Variants in EXT1 observed in about 807,000 individuals in gnomAD.
The protein encoded by EXT1 is exostosin glycosyltransferase 1.
Under a neutral mutation model 82.5 loss-of-function variants are expected in EXT1, and 20 were observed. The ratio of observed to expected loss-of-function variants is 0.24; its 90% CI spans 0.17 to 0.35. EXT1 has a LOEUF of 0.35. Among genes scored for constraint, EXT1 ranks in the 10% least tolerant of loss-of-function variants. The probability of loss-of-function intolerance (pLI) is 1.00; values close to 1 mark genes in which losing one functional copy is unlikely to be tolerated. For synonymous variants in EXT1, 348 were observed against 350.8 expected, an observed-to-expected ratio of 0.99 and a Z score of 0.09; for missense variants, 757 against 936.5, an observed-to-expected ratio of 0.81 and a Z score of 2.50.
rs111949106 is a variant in EXT1, at chr8:117,984,454, A to C, written c.962+125631T>G. ...AAAAACAAAACAAAACAAAACAAAAAAAAAAAACAAAGAAAAGAAAAGAAA... is the reference window on the plus strand; with the variant it reads ...AAAAACAAAACAAAACAAAACAAAACAAAAAAACAAAGAAAAGAAAAGAAA... On this transcript the variant is annotated intron_variant, in intron 1 of 10. Transcript: ENST00000378204. 9.8e-4 allele frequency among the ~76,000 whole-genome samples: 149 copies of C among 151,290 alleles called. 1 individual carries two copies. The highest frequency in any genetic ancestry group is 2.3e-3 in the East Asian group (12 of 5,156).
intron 1 of EXT1, among the ~76,000 whole-genome samples, chr8:117,966,077 T>C (rs1814804359): frequency 6.6e-6 from 1 of 152,032 alleles, no homozygotes; most frequent in Non-Finnish European, 1.5e-5. Flanking sequence ...AGCCAAATAA[T>C]CATGAAACGA....
chr8:117,943,395 T>C (rs1814324671), intron 1 of EXT1, among the ~76,000 whole-genome samples: 1 of 152,216 alleles, frequency 6.6e-6, no homozygotes, highest in Non-Finnish European at 1.5e-5. Flanking sequence ...ACAATGCATA[T>C]TGCAACCAAA....
At chr8:118,042,785 G>T (rs1028742940) in intron 1 of EXT1, among the ~76,000 whole-genome samples, 10 of 152,200 alleles carry the variant, frequency 6.6e-5, no homozygotes, top group African/African-American at 2.4e-4. Flanking sequence ...AAGATGGACA[G>T]TTGCTCCTTC....
chr8:117,861,257 T>C (rs1251805118), intron 1 of EXT1, among the ~76,000 whole-genome samples: 1 of 152,338 alleles, frequency 6.6e-6, no homozygotes, highest in East Asian at 1.9e-4. Context: ...GTCCATTTAC[T>C]AGCTAATTCA....
intron 1 of EXT1, among the ~76,000 whole-genome samples, chr8:118,083,674 G>A (rs909275795): frequency 6.6e-6 from 1 of 152,138 alleles, no homozygotes; most frequent in Non-Finnish European, 1.5e-5. Flanking sequence ...CTCAATAGAA[G>A]TTTTCTAAAC....
intron 4 of EXT1, among the ~76,000 whole-genome samples, chr8:117,824,300 T>C (rs1338189740): frequency 6.6e-6 from 1 of 152,228 alleles, no homozygotes; most frequent in Non-Finnish European, 1.5e-5. Flanking sequence ...ATGCTTGTCA[T>C]TGTCATAGAC....
intron 1 of EXT1, among the ~76,000 whole-genome samples, chr8:118,073,705 A>AAGAGAAGAGAAG (rs1432260667): frequency 9.7e-6 from 1 of 102,680 alleles, no homozygotes; most frequent in African/African-American, 3.3e-5. Context: ...AAGAGAAGAG[A>AAGAGAAGAGAAG]AGCCTCTTAA....
chr8:118,044,613 G>A (rs185439221), intron 1 of EXT1, among the ~76,000 whole-genome samples: 1 of 152,188 alleles, frequency 6.6e-6, no homozygotes, highest in Non-Finnish European at 1.5e-5. Context: ...CTCCATGTTG[G>A]CCAGGCTGGT....
intron 7 of EXT1, 68 bp downstream of exon 7, chr8:117,818,367 C>T: frequency 7.7e-7 from 1 of 1,296,380 alleles, no homozygotes; most frequent in Non-Finnish European, 1.1e-6. Flanking sequence ...GGGCCAAGAC[C>T]CAAAGTGCCC....
chr8:118,036,209 T>G (rs1816416604), intron 1 of EXT1, among the ~76,000 whole-genome samples: 1 of 152,160 alleles, frequency 6.6e-6, no homozygotes, highest in Admixed American at 6.5e-5. Context: ...TACCTCAAAG[T>G]TGACATGTCC....
intron 1 of EXT1, among the ~76,000 whole-genome samples, chr8:117,868,798 A>T (rs1255886142): frequency 2.0e-5 from 3 of 152,072 alleles, no homozygotes; most frequent in Non-Finnish European, 2.9e-5. Context: ...TCTTCCACAC[A>T]TCCTCACGAC....
chr8:117,989,274 C>T (rs530944206), intron 1 of EXT1, among the ~76,000 whole-genome samples: 2 of 151,828 alleles, frequency 1.3e-5, no homozygotes, highest in East Asian at 3.9e-4. Flanking sequence ...CACCTGGCTC[C>T]TGCGTCGGCT....
chr8:117,902,559 T>C (rs970243095), intron 1 of EXT1, among the ~76,000 whole-genome samples: 5 of 148,172 alleles, frequency 3.4e-5, no homozygotes, highest in Admixed American at 6.6e-5. Flanking sequence ...TATGACGTCA[T>C]TGTTGACTTG....
At chr8:118,066,315 C>T in intron 1 of EXT1, among the ~76,000 whole-genome samples, 1 of 151,102 alleles carries the variant, frequency 6.6e-6, no homozygotes, top group East Asian at 2.0e-4. Context: ...TTCTTAATAA[C>T]ATTTTCTTTT....
intron 1 of EXT1, among the ~76,000 whole-genome samples, chr8:117,897,627 C>T (rs1384740488): frequency 8.3e-6 from 1 of 120,986 alleles, no homozygotes; most frequent in Non-Finnish European, 1.6e-5. Flanking sequence ...CAGAGTCTCG[C>T]TCTGTCGACC....
Position 118,111,240 on chromosome 8 carries a change from C to A in EXT1, c.-194G>T. On this transcript the variant is annotated 5_prime_UTR_variant, in exon 1 of 11. The change creates a premature stop within an existing upstream ORF in the 5' untranslated region. Transcript: ENST00000378204. ...TGTGGGCGATTTCTTTAACTTTCTCCCCTTCGGTCTTTCATCTTTGGGTTG... is the reference window on the plus strand; with the variant it reads ...TGTGGGCGATTTCTTTAACTTTCTCACCTTCGGTCTTTCATCTTTGGGTTG... The A allele has an allele frequency of 1.3e-6, 1 of 788,126 alleles. No individual in the cohort carries two copies. 48.8% of individuals were successfully genotyped at this position (788,126 alleles called of 1,614,324 possible).
chr8:117,933,337 C>G (rs1437846575), intron 1 of EXT1, among the ~76,000 whole-genome samples: 1 of 151,404 alleles, frequency 6.6e-6, no homozygotes, highest in Non-Finnish European at 1.5e-5. Context: ...ACCTCCACCT[C>G]TCGGGTTCAA....
rs1435547768 is a variant in EXT1, at chr8:117,818,446, C to T, written c.1621G>A (p.Gly541Arg). Reference sequence around the variant, plus strand: ...CCTTCGAGTCTTACCTTGCTCTCTCCTTCAATGACGACGACAGGCACAGCA... The same window carrying T: ...CCTTCGAGTCTTACCTTGCTCTCTCTTTCAATGACGACGACAGGCACAGCA... ...ATAVPVVVIE[G>R]ESKVMSSRFL... is the part of the protein sequence containing the mutation. Residue 541 changes from glycine (G) to arginine (R), a missense_variant, in exon 7 of 11, where the codon GGA becomes AGA. Coordinates refer to ENST00000378204, the MANE Select transcript of EXT1 (RefSeq NM_000127.3). The T allele has an allele frequency of 1.2e-6, 2 of 1,614,146 alleles. No homozygotes were observed. The highest frequency in any genetic ancestry group is 1.1e-5 in the South Asian group (1 of 91,078).
chr8:117,806,551 C>G (rs1225409075), intron 9 of EXT1, among the ~76,000 whole-genome samples: 1 of 152,202 alleles, frequency 6.6e-6, no homozygotes, highest in Non-Finnish European at 1.5e-5. Context: ...CACCCAGTCA[C>G]AGTGGTCTCC....
Sources: allele counts gnomAD v4.1 joint callset (sites outside exome capture counted in the v4.1 genomes callset), GRCh38; gene constraint gnomAD v4.1.1; transcripts MANE v1.5; gene names NCBI Gene and HGNC (gene_info 2026-07-23, HGNC 2026-07-21).